Variants in KCNH1 observed in about 807,000 individuals in gnomAD.
The protein encoded by KCNH1 is potassium voltage-gated channel subfamily H member 1.
KCNH1 carries 27 observed loss-of-function variants against 69.2 expected under a neutral mutation model. The observed-to-expected ratio is 0.39, with a 90% CI of 0.29 to 0.54. KCNH1 has a LOEUF of 0.54. Among genes scored for constraint, KCNH1 ranks in the 20% least tolerant of loss-of-function variants. The pLI is 0.68. For synonymous variants in KCNH1, 456 were observed against 487.7 expected, an observed-to-expected ratio of 0.93 and a Z score of 0.86; for missense variants, 798 against 1,261.6, an observed-to-expected ratio of 0.63 and a Z score of 5.57.
chr1:211,085,779 C>T (rs1325841511), intron 4 of KCNH1, among the ~76,000 whole-genome samples: 1 of 152,180 alleles, frequency 6.6e-6, no homozygotes. Context: ...CCAACAGTGT[C>T]CCTTATAGCA....
chr1:210,716,142 A>G (rs1176368391), intron 10 of KCNH1, among the ~76,000 whole-genome samples: 1 of 151,570 alleles, frequency 6.6e-6, no homozygotes, highest in Non-Finnish European at 1.5e-5. Context: ...TTAAGAAAGC[A>G]TGTTGCACAG....
chr1:210,986,153 C>T (rs997132154), intron 6 of KCNH1, among the ~76,000 whole-genome samples: 1 of 152,126 alleles, frequency 6.6e-6, no homozygotes, highest in African/African-American at 2.4e-5. Flanking sequence ...TTCCTCCATC[C>T]CTTTATTTTG....
intron 1 of KCNH1, among the ~76,000 whole-genome samples, chr1:211,127,937 G>A (rs1465851005): frequency 6.6e-6 from 1 of 152,172 alleles, no homozygotes; most frequent in Non-Finnish European, 1.5e-5. Context: ...CAATCCATCA[G>A]TGGCAGATCG....
intron 6 of KCNH1, among the ~76,000 whole-genome samples, chr1:211,001,117 T>A (rs1436263067): frequency 2.0e-5 from 3 of 152,118 alleles, no homozygotes; most frequent in Admixed American, 6.5e-5. Context: ...GGACTTCATG[T>A]ATAAAACACC....
chr1:211,022,121 A>G (rs1052569880), intron 5 of KCNH1, among the ~76,000 whole-genome samples: 5 of 152,166 alleles, frequency 3.3e-5, no homozygotes, highest in African/African-American at 1.2e-4. Context: ...GTTGCATAAA[A>G]ACAGACACAT....
At chr1:210,983,316 T>G (rs1419720592) in intron 6 of KCNH1, among the ~76,000 whole-genome samples, 1 of 152,236 alleles carries the variant, frequency 6.6e-6, no homozygotes, top group African/African-American at 2.4e-5. Context: ...TGCCATTGCT[T>G]TTGGTGTTTT....
At chr1:210,771,251 C>T (rs911630529) in intron 10 of KCNH1, among the ~76,000 whole-genome samples, 1 of 152,224 alleles carries the variant, frequency 6.6e-6, no homozygotes, top group African/African-American at 2.4e-5. Flanking sequence ...AGCCACCTCC[C>T]TCAGAAGAAA....
rs1395631622 is a variant in KCNH1 at position 210,726,535 on chromosome 1, C to T, written c.2113-42397G>A. Among the ~76,000 whole-genome samples the T allele has an allele frequency of 3.3e-5, 5 of 152,290 alleles. No individual in the cohort carries two copies. In the East Asian group the frequency reaches 9.7e-4, roughly 29 times the overall value. On this transcript the variant is annotated intron_variant, in intron 10 of 10. Transcript: ENST00000271751. ...CAATGCTGACAGGACCAGGGTCATG[C>T]TCAGGTCCCCTTGGGCTAGTTCACA...
At chr1:210,697,033 C>T (rs1178193550) in intron 10 of KCNH1, among the ~76,000 whole-genome samples, 1 of 152,194 alleles carries the variant, frequency 6.6e-6, no homozygotes, top group Non-Finnish European at 1.5e-5. Context: ...AGTCCTCTTT[C>T]AAAGTTGAAG....
intron 10 of KCNH1, among the ~76,000 whole-genome samples, chr1:210,720,452 C>T (rs540851198): frequency 3.1e-4 from 47 of 152,176 alleles, no homozygotes; most frequent in African/African-American, 1.0e-3. Flanking sequence ...TAACCATATG[C>T]GATTAAGCAG....
Position 210,920,123 on chromosome 1 carries a change from G to A in KCNH1, c.1033-54C>T, listed in dbSNP as rs140619703. On this transcript the variant is annotated intron_variant, in intron 6 of 10. Coordinates refer to ENST00000271751, the MANE Select transcript of KCNH1 (RefSeq NM_172362.3). ...CCAAAGAACCAAAGATACTACTCTC[G>A]TCCCCTCCGCCCCACTTGGGCCATT... 618 of 1,511,316 alleles carry A rather than the reference G, an allele frequency of 4.1e-4. 8 individuals are homozygous for A. In the East Asian group the frequency reaches 0.013, roughly 31 times the overall value. 93.6% of individuals were successfully genotyped at this position (1,511,316 alleles called of 1,614,324 possible). A position where few individuals can be genotyped will look rare whatever the true frequency, so the allele number is the denominator to read the frequency against.
At chr1:210,908,683 A>G (rs1279698356) in intron 7 of KCNH1, among the ~76,000 whole-genome samples, 1 of 152,148 alleles carries the variant, frequency 6.6e-6, no homozygotes, top group South Asian at 2.1e-4. Context: ...ACTTCCTCAC[A>G]CCAAACCGAG....
intron 7 of KCNH1, among the ~76,000 whole-genome samples, chr1:210,828,010 T>G (rs781718293): frequency 1.3e-5 from 2 of 152,068 alleles, no homozygotes; most frequent in Non-Finnish European, 2.9e-5. Context: ...ACCTGGCTAA[T>G]TTTTGTATTT....
At chr1:210,964,137 C>A (rs1202964286) in intron 6 of KCNH1, among the ~76,000 whole-genome samples, 1 of 152,196 alleles carries the variant, frequency 6.6e-6, no homozygotes, top group Non-Finnish European at 1.5e-5. Context: ...CAATAATCAA[C>A]ACTTAAAAAG....
rs576218020 is a variant in KCNH1 at position 211,071,783 on chromosome 1, A to G, written c.558+10997T>C. Among the ~76,000 whole-genome samples the G allele has an allele frequency of 2.6e-5, 4 of 152,324 alleles. No individual in the cohort carries two copies. The East Asian group carries it at 7.7e-4, about 29-fold the overall frequency. ...CATTGTAAATCTCCAAAAAATTTTC[A>G]GTATACTTATTGAAAAACAATCCAC... On this transcript the variant is annotated intron_variant, in intron 5 of 10. Transcript: ENST00000271751.
At chr1:210,959,629 C>T (rs1043423595) in intron 6 of KCNH1, among the ~76,000 whole-genome samples, 2 of 152,212 alleles carry the variant, frequency 1.3e-5, no homozygotes, top group African/African-American at 4.8e-5. Context: ...CCTACATGCC[C>T]CCACAGGCTG....
intron 10 of KCNH1, among the ~76,000 whole-genome samples, chr1:210,735,027 G>A (rs1574221068): frequency 6.6e-6 from 1 of 152,076 alleles, no homozygotes; most frequent in South Asian, 2.1e-4. Flanking sequence ...CCTGCAGTCC[G>A]TCATGCCTTG....
intron 7 of KCNH1, among the ~76,000 whole-genome samples, chr1:210,910,634 G>C (rs548039613): frequency 3.3e-5 from 5 of 152,356 alleles, no homozygotes; most frequent in African/African-American, 9.6e-5. Context: ...TTTGCATTCT[G>C]CCTTCACCAT....
chr1:210,701,776 C>T (rs1278547084), intron 10 of KCNH1, among the ~76,000 whole-genome samples: 4 of 152,032 alleles, frequency 2.6e-5, no homozygotes, highest in African/African-American at 9.7e-5. Context: ...CCAGAGACAT[C>T]GTTTCTGGGG....
Sources: allele counts gnomAD v4.1 joint callset (sites outside exome capture counted in the v4.1 genomes callset), GRCh38; gene constraint gnomAD v4.1.1; transcripts MANE v1.5; gene names NCBI Gene and HGNC (gene_info 2026-07-23, HGNC 2026-07-21).